CDH22: variants seen among roughly 807,000 people sequenced by gnomAD.
CDH22 encodes cadherin 22, also known as cadherin-22.
Under a neutral mutation model 58.4 loss-of-function variants are expected in CDH22, and 30 were observed. The ratio of observed to expected loss-of-function variants is 0.51; its 90% CI spans 0.38 to 0.70. The LOEUF (loss-of-function observed/expected upper bound fraction) is 0.70, where lower values mean the gene tolerates loss of function less well. Among genes scored for constraint, CDH22 ranks in the 30% least tolerant of loss-of-function variants. The pLI is 0.00. For missense variants in CDH22, 1,014 were observed against 1,233.9 expected, an observed-to-expected ratio of 0.82 and a Z score of 2.67; for synonymous variants, 513 against 558.2, an observed-to-expected ratio of 0.92 and a Z score of 1.14.
intron 8 of CDH22, among the ~76,000 whole-genome samples, chr20:46,196,937 C>G (rs968972729): frequency 2.0e-5 from 3 of 152,160 alleles, no homozygotes; most frequent in African/African-American, 7.2e-5. Flanking sequence ...TAATTAATAT[C>G]CTGGGTGAGG....
intron 1 of CDH22, among the ~76,000 whole-genome samples, chr20:46,291,264 G>A (rs2086600971): frequency 6.6e-6 from 1 of 152,130 alleles, no homozygotes; most frequent in Non-Finnish European, 1.5e-5. Flanking sequence ...GAGACAGAGC[G>A]AGATTCCATC....
intron 1 of CDH22, among the ~76,000 whole-genome samples, chr20:46,282,328 T>C (rs1190603198): frequency 2.0e-5 from 3 of 152,090 alleles, no homozygotes; most frequent in East Asian, 1.9e-4. Flanking sequence ...GAAAGGGGTC[T>C]CTACACACAG....
chr20:46,268,141 G>T (rs551601733), intron 1 of CDH22, among the ~76,000 whole-genome samples: 4 of 152,386 alleles, frequency 2.6e-5, no homozygotes, highest in East Asian at 3.9e-4. Flanking sequence ...GCTGTCAGCA[G>T]CTACAGGGTC....
intron 1 of CDH22, among the ~76,000 whole-genome samples, chr20:46,278,066 G>A (rs2086529291): frequency 6.6e-6 from 1 of 152,058 alleles, no homozygotes; most frequent in African/African-American, 2.4e-5. Flanking sequence ...GTGACAAGGA[G>A]GAGGAGGAGG....
chr20:46,249,283 A>G (rs2086353198), intron 2 of CDH22, among the ~76,000 whole-genome samples: 2 of 152,216 alleles, frequency 1.3e-5, no homozygotes, highest in South Asian at 2.1e-4. Context: ...TGGTCACTCC[A>G]TCCCCAGCCC....
At position 46,216,704 on chromosome 20, in the gene CDH22, AAG is replaced by A. The variant is rs2086087598; in HGVS notation, c.838+120_838+121del. ...TTGGGAGGACAGACAGACAGACAGA[AAG>A]AGAGGGGGAAGCCCTTCTTTTGGTG... On this transcript the variant is annotated intron_variant, in intron 5 of 11. Transcript: ENST00000537909. The surrounding 1 kb of genome is among the most constrained non-coding windows in gnomAD (Gnocchi z 5.3). 1.1e-6 allele frequency: 1 copy of A among 940,558 alleles called. No homozygotes were observed. The allele number at this position is 940,558 out of a possible 1,614,324, so 58.3% of individuals were successfully genotyped here. A position where few individuals can be genotyped will look rare whatever the true frequency, so the allele number is the denominator to read the frequency against.
intron 7 of CDH22, among the ~76,000 whole-genome samples, chr20:46,202,963 G>C (rs910775044): frequency 1.2e-4 from 19 of 152,340 alleles, no homozygotes; most frequent in Admixed American, 5.9e-4. Flanking sequence ...CTGCCTTCTT[G>C]TTGTTTCTCC....
chr20:46,227,794 C>T (rs1028119113), intron 3 of CDH22, among the ~76,000 whole-genome samples, 167 bp from the exon 4 acceptor site: 1 of 152,242 alleles, frequency 6.6e-6, no homozygotes, highest in Non-Finnish European at 1.5e-5. Flanking sequence ...AGCCCCAACC[C>T]TCTTCCTGTT....
Position 46,186,901 on chromosome 20 carries a change from C to T in CDH22, c.1470G>A (p.Leu490=). Residue 490 remains leucine (L), a synonymous_variant, in exon 9 of 12, where the codon CTG becomes CTA. Coordinates refer to ENST00000537909, the MANE Select transcript of CDH22 (RefSeq NM_021248.3). ...LSRASLRIRI[L]DVNDNPPELA... Reference sequence around the variant, plus strand: ...GTTCTGGGGGATTGTCGTTCACATCCAGGATTCGGATCCTTAGGGATGCCC... The same window carrying T: ...GTTCTGGGGGATTGTCGTTCACATCTAGGATTCGGATCCTTAGGGATGCCC... 1.2e-6 allele frequency: 2 copies of T among 1,611,742 alleles called. No individual in the cohort carries two copies. Among genetic ancestry groups the T allele is most frequent in the Non-Finnish European group, 1.7e-6 (2 of 1,178,840 alleles).
At chr20:46,198,169 G>C (rs2145668727) in intron 8 of CDH22, among the ~76,000 whole-genome samples, 1 of 151,982 alleles carries the variant, frequency 6.6e-6, no homozygotes, top group East Asian at 1.9e-4. Context: ...CACTCCCCCT[G>C]GCCTCTCTCC....
At position 46,186,652 on chromosome 20, in the gene CDH22, G is replaced by T. The variant is rs138941875; in HGVS notation, c.1599C>A (p.Arg533=). The change falls in exon 10 of 12, where the codon CGC becomes CGA. Residue 533 remains arginine (R), a synonymous_variant. Transcript: ENST00000537909. ...VDRDEPQGGH[R]FYFRLVPEAP... is the part of the protein sequence containing the mutation. The stretch of plus-strand genomic sequence containing the variant: ...CTTCAGGCACCAGGCGGAAATAGAA[G>T]CGGTGCCCGCCTTGGGGCTCGTCTC... 1 of 1,613,640 alleles carries T rather than the reference G, an allele frequency of 6.2e-7. No individual in the cohort carries two copies. The highest frequency in any genetic ancestry group is 8.5e-7 in the Non-Finnish European group (1 of 1,179,986).
chr20:46,232,841 C>G (rs2086229019), intron 3 of CDH22, among the ~76,000 whole-genome samples: 1 of 152,166 alleles, frequency 6.6e-6, no homozygotes, highest in African/African-American at 2.4e-5. Context: ...CTTCTAGCCT[C>G]CCAGCCAGGG....
At chr20:46,265,945 T>TACACACACACACAC (rs10536307) in intron 1 of CDH22, among the ~76,000 whole-genome samples, 3 of 148,052 alleles carry the variant, frequency 2.0e-5, no homozygotes, top group African/African-American at 7.5e-5. Flanking sequence ...TTCACACAGA[T>TACACACACACACAC]ACACACACAC....
intron 4 of CDH22, chr20:46,220,970 G>A (rs1465135653): frequency 6.5e-6 from 1 of 152,878 alleles, no homozygotes; most frequent in Non-Finnish European, 1.5e-5. Context: ...ACATCAGCAA[G>A]TGTGCTTTGG....
At chr20:46,253,043 T>C (rs1263309110) in intron 1 of CDH22, among the ~76,000 whole-genome samples, 2 of 152,092 alleles carry the variant, frequency 1.3e-5, no homozygotes, top group Non-Finnish European at 2.9e-5. Flanking sequence ...CAGGGGTGTG[T>C]GTTTGGGCAG....
intron 11 of CDH22, 81 bp downstream of exon 11, chr20:46,177,865 A>T: frequency 6.5e-7 from 1 of 1,542,340 alleles, no homozygotes; most frequent in African/African-American, 1.4e-5. Context: ...CTGAGGCCCC[A>T]TGGGGGCTGG....
Position 46,300,811 on chromosome 20 carries a change from T to A in CDH22, c.-400+7444A>T, listed in dbSNP as rs1600731244. Among the ~76,000 whole-genome samples, 1 of 152,190 alleles carries A rather than the reference T, an allele frequency of 6.6e-6. No individual in the cohort carries two copies. Among genetic ancestry groups the A allele is most frequent in the Non-Finnish European group, 1.5e-5 (1 of 68,050 alleles). ...GTCCCAGTGGTCCCTGAAGAAATCATCGGACAAGAGCGTGAAGATGTGTGT... is the reference window on the plus strand; with the variant it reads ...GTCCCAGTGGTCCCTGAAGAAATCAACGGACAAGAGCGTGAAGATGTGTGT... On this transcript the variant is annotated intron_variant, in intron 1 of 11. Coordinates refer to ENST00000537909, the MANE Select transcript of CDH22 (RefSeq NM_021248.3). The surrounding 1 kb of genome is among the most constrained non-coding windows in gnomAD (Gnocchi z 4.4).
Position 46,178,096 on chromosome 20 carries a change from G to A in CDH22, c.1765C>T (p.Leu589=). 1 of 1,614,056 alleles carries A rather than the reference G, an allele frequency of 6.2e-7. No individual in the cohort carries two copies. The highest frequency in any genetic ancestry group is 8.5e-7 in the Non-Finnish European group (1 of 1,179,966). ...ATGGTGAGCGTGCCTGTGCTGCTCAGTGTGGGCGGCCCACTGTCTACCACC... is the reference window on the plus strand; with the variant it reads ...ATGGTGAGCGTGCCTGTGCTGCTCAATGTGGGCGGCCCACTGTCTACCACC... ...ILVVDSGPPT[L]SSTGTLTIRI... The change falls in exon 11 of 12, where the codon CTG becomes TTG. Residue 589 remains leucine, a synonymous_variant. Coordinates refer to ENST00000537909, the MANE Select transcript of CDH22 (RefSeq NM_021248.3).
intron 10 of CDH22, among the ~76,000 whole-genome samples, chr20:46,180,359 T>C (rs1254218992): frequency 6.6e-6 from 1 of 152,220 alleles, no homozygotes; most frequent in African/African-American, 2.4e-5. Flanking sequence ...TGGAAAGCCT[T>C]GTGAACTTGG....
Sources: gnomAD v4.1 joint callset for allele counts (sites outside exome capture counted in the v4.1 genomes callset) on GRCh38, gnomAD v4.1.1 for gene constraint, Gnocchi (gnomAD v3.1) non-coding constraint, MANE v1.5 for transcripts, NCBI Gene and HGNC (gene_info 2026-07-23, HGNC 2026-07-21) for gene names.